Variants in SEC14L1 observed in about 807,000 individuals in gnomAD.
SEC14L1 encodes the protein SEC14-like protein 1.
Under a neutral mutation model 85.3 loss-of-function variants are expected in SEC14L1, and 48 were observed. The ratio of observed to expected loss-of-function variants is 0.56; its 90% CI spans 0.45 to 0.72. The LOEUF (loss-of-function observed/expected upper bound fraction) is 0.72. SEC14L1 is among the 30% of genes least tolerant of loss of function. The pLI, the probability that SEC14L1 is intolerant of heterozygous loss-of-function variation, is 0.00. For missense variants in SEC14L1, 682 were observed against 921.4 expected, an observed-to-expected ratio of 0.74 and a Z score of 3.36; for synonymous variants, 391 against 355.5, an observed-to-expected ratio of 1.10 and a Z score of -1.12.
Position 77,206,812 on chromosome 17 carries a change from G to T in SEC14L1, c.1426G>T (p.Asp476Tyr). The change falls in exon 13 of 17, where the codon GAT becomes TAT. Residue 476 changes from aspartate to tyrosine, a missense_variant. This residue lies in a region of SEC14L1 where 420 missense variants were observed against 619.5 expected (regional missense o/e 0.68). Transcript: ENST00000436233. This position sits in a 1 kb window ranked among gnomAD's most constrained non-coding sequence, Gnocchi z 4.3. ...NDYQGPGGLL[D>Y]YIDKEIIPDF... ...CTACCAGGGTCCTGGAGGCCTGCTG[G>T]ATTACATCGACAAAGAGATTATTCC... The T allele has an allele frequency of 6.2e-7, 1 of 1,612,238 alleles. No homozygotes were observed. The highest frequency in any genetic ancestry group is 8.5e-7 in the Non-Finnish European group (1 of 1,179,502).
intron 3 of SEC14L1, among the ~76,000 whole-genome samples, chr17:77,098,623 G>A (rs1162083971): frequency 1.3e-5 from 2 of 152,100 alleles, no homozygotes; most frequent in Non-Finnish European, 2.9e-5. Context: ...GAAGTGTTCT[G>A]GGACAGACTT....
chr17:77,201,376 C>T (rs79353047), intron 9 of SEC14L1, among the ~76,000 whole-genome samples: 10,728 of 152,122 alleles, frequency 0.071, 470 homozygotes, highest in East Asian at 0.27. Context: ...AACCGAGCAG[C>T]TCAGCTTTGT....
intron 3 of SEC14L1, among the ~76,000 whole-genome samples, chr17:77,161,557 G>C (rs77188425): frequency 0.052 from 7,847 of 152,082 alleles, 309 homozygotes; most frequent in Admixed American, 0.11. Context: ...TCTGCAAGGG[G>C]GAAAAAGTAA....
chr17:77,187,227 C>T (rs1975304555), intron 3 of SEC14L1, among the ~76,000 whole-genome samples: 1 of 152,172 alleles, frequency 6.6e-6, no homozygotes, highest in African/African-American at 2.4e-5. Context: ...TCAACCCATA[C>T]AACCTTACAG....
At chr17:77,095,712 G>T (rs930010033) in intron 3 of SEC14L1, among the ~76,000 whole-genome samples, 4 of 152,058 alleles carry the variant, frequency 2.6e-5, no homozygotes, top group African/African-American at 9.7e-5. Flanking sequence ...AGCTGCTCGG[G>T]AGGCTGAGGC....
intron 3 of SEC14L1, among the ~76,000 whole-genome samples, chr17:77,174,066 A>T (rs745434812): frequency 1.3e-5 from 2 of 151,674 alleles, no homozygotes; most frequent in Admixed American, 6.6e-5. Context: ...ACACCTGGCT[A>T]ATTTTTTGTA....
In SEC14L1 at chr17:77,194,841, CAAG is replaced by C. The variant is rs776950082; in HGVS notation, c.640_642del (p.Lys214del). On this transcript the variant is annotated inframe_deletion, in exon 7 of 17. Transcript: ENST00000436233. The stretch of plus-strand genomic sequence containing the variant: ...CCGTCGTCATCCCAGAAGCTGCCCT[CAAG>C]GAGGGGCTGAGTGGTGATGCCCTCA... The C allele has an allele frequency of 6.8e-6, 11 of 1,614,222 alleles. No individual in the cohort carries two copies. Among genetic ancestry groups the C allele is most frequent in the Middle Eastern group, 1.6e-4 (1 of 6,062 alleles).
At chr17:77,127,490 T>C (rs520164) in intron 3 of SEC14L1, among the ~76,000 whole-genome samples, 109,645 of 151,980 alleles carry the variant, frequency 0.72, 40,840 homozygotes, top group African/African-American at 0.91. Flanking sequence ...GCCAGGATTA[T>C]AAGCACCCAC....
chr17:77,095,536 A>C (rs750083445), intron 3 of SEC14L1, among the ~76,000 whole-genome samples: 2 of 152,210 alleles, frequency 1.3e-5, no homozygotes, highest in African/African-American at 2.4e-5. Context: ...GACAATGAAG[A>C]GCCTTCATTG....
intron 3 of SEC14L1, among the ~76,000 whole-genome samples, chr17:77,186,459 T>G (rs1454714141): frequency 6.6e-6 from 1 of 152,276 alleles, no homozygotes; most frequent in African/African-American, 2.4e-5. Flanking sequence ...GTTCTCCCCC[T>G]TCTGCCTCCT....
rs140658801 is a variant in SEC14L1 at position 77,186,031 on chromosome 17, G to A, written c.64-4772G>A. On this transcript the variant is annotated intron_variant, in intron 3 of 16. Coordinates refer to ENST00000436233, the MANE Select transcript of SEC14L1 (RefSeq NM_001143998.2). ...TAACTTCCAAAGTAAGAACATTTAA[G>A]AAGCAAATATAATTGGCTACCACAT... Among the ~76,000 whole-genome samples, 567 of 152,312 alleles carry A rather than the reference G, an allele frequency of 3.7e-3. 5 individuals are homozygous for A. The highest frequency in any genetic ancestry group is 0.013 in the African/African-American group (545 of 41,566).
chr17:77,139,160 A>ATTTTT (rs749541191), upstream of SEC14L1, among the ~76,000 whole-genome samples: 1 of 120,164 alleles, frequency 8.3e-6, no homozygotes, highest in African/African-American at 3.3e-5. Context: ...GGTCAGGTGA[A>ATTTTT]TTTTTTTTTT....
At chr17:77,108,508 G>A (rs746362446) in intron 3 of SEC14L1, among the ~76,000 whole-genome samples, 7 of 152,048 alleles carry the variant, frequency 4.6e-5, no homozygotes, top group Non-Finnish European at 1.0e-4. Flanking sequence ...GAGCAGAGGC[G>A]GGCAGATGGC....
At chr17:77,191,388 A>T in intron 5 of SEC14L1, 76 bp downstream of exon 5, 1 of 1,532,926 alleles carries the variant, frequency 6.5e-7, no homozygotes, top group Non-Finnish European at 9.0e-7. Flanking sequence ...ACCATTTTAA[A>T]CAGTGCATCT....
At chr17:77,098,889 T>C (rs501316) in intron 3 of SEC14L1, 71,325 of 152,100 alleles carry the variant, frequency 0.47, 16,979 homozygotes, top group African/African-American at 0.54. Flanking sequence ...GTTTCATTTA[T>C]ATCAGTATTT....
At chr17:77,171,963 A>G (rs1974540546) in intron 3 of SEC14L1, among the ~76,000 whole-genome samples, 1 of 152,296 alleles carries the variant, frequency 6.6e-6, no homozygotes, top group Non-Finnish European at 1.5e-5. Context: ...TAATTTTAGC[A>G]TTAAATCTCT....
At chr17:77,181,724 GT>G (rs1975048917) in intron 3 of SEC14L1, among the ~76,000 whole-genome samples, 1 of 152,178 alleles carries the variant, frequency 6.6e-6, no homozygotes. Context: ...CTAGTTATGA[GT>G]TTTTCTGTCT....
At chr17:77,130,427 A>T (rs1041761918) in intron 3 of SEC14L1, among the ~76,000 whole-genome samples, 1 of 148,080 alleles carries the variant, frequency 6.8e-6, no homozygotes, top group Non-Finnish European at 1.5e-5. Flanking sequence ...AGTGATTCTC[A>T]TGCCTCAGCC....
intron 15 of SEC14L1, 53 bp downstream of exon 15, chr17:77,212,254 G>T: frequency 6.3e-7 from 1 of 1,597,416 alleles, no homozygotes; most frequent in South Asian, 1.1e-5. Flanking sequence ...ACGGCCAGGT[G>T]ATTCTGTCTT....
Sources: gnomAD v4.1 joint callset for allele counts (sites outside exome capture counted in the v4.1 genomes callset) on GRCh38, gnomAD v4.1.1 for gene constraint, gnomAD v4.1.1 regional missense constraint, Gnocchi (gnomAD v3.1) non-coding constraint, MANE v1.5 for transcripts, NCBI Gene and HGNC (gene_info 2026-07-23, HGNC 2026-07-21) for gene names.